Variants in PCDHA8 observed in about 807,000 individuals in gnomAD.
PCDHA8 encodes protocadherin alpha-8.
In PCDHA8, 53 loss-of-function variants were observed where a neutral mutation model predicts 61.8. That is an observed-to-expected ratio of 0.86 (90% confidence interval 0.69 to 1.08). The LOEUF (loss-of-function observed/expected upper bound fraction) is 1.08, where lower values mean the gene tolerates loss of function less well. PCDHA8 is among the 50% of genes least tolerant of loss of function. PCDHA8 has a pLI of 0.00. For missense variants in PCDHA8, 1,293 were observed against 1,245.0 expected, an observed-to-expected ratio of 1.04 and a Z score of -0.58; for synonymous variants, 618 against 556.6, an observed-to-expected ratio of 1.11 and a Z score of -1.55.
chr5:140,946,629 T>TATATATATATATATATATATAC (rs1367833800), intron 1 of PCDHA8, among the ~76,000 whole-genome samples: 1 of 123,274 alleles, frequency 8.1e-6, no homozygotes, highest in African/African-American at 3.0e-5. Context: ...TATATATATA[T>TATATATATATATATATATATAC]ATACAATGGA....
chr5:140,870,731 C>T (rs782095287), intron 1 of PCDHA8: 3 of 1,613,444 alleles, frequency 1.9e-6, no homozygotes, highest in Non-Finnish European at 2.5e-6. Context: ...GGCGTGCCGC[C>T]TCTGAGCAGC....
Position 141,010,304 on chromosome 5 carries a change from A to C in PCDHA8, c.*367A>C. 1.3e-6 allele frequency: 2 copies of C among 1,548,750 alleles called. No homozygotes were observed. Among genetic ancestry groups the C allele is most frequent in the Non-Finnish European group, 8.7e-7 (1 of 1,146,136 alleles). On this transcript the variant is annotated 3_prime_UTR_variant, in exon 4 of 4. Coordinates refer to ENST00000531613, the MANE Select transcript of PCDHA8 (RefSeq NM_018911.3). ...ATGACACTTGCAGGGCAGGCTGAAA[A>C]GTTTTGAGATTGAGCAGCTTGGGAG...
chr5:140,852,931 T>G (rs1554146230), intron 1 of PCDHA8: 1 of 623,668 alleles, frequency 1.6e-6, no homozygotes, highest in Non-Finnish European at 2.1e-6. Flanking sequence ...CAGGCTGGAG[T>G]GCAGTGGTGC....
intron 1 of PCDHA8, chr5:140,857,903 A>C (rs1554150826): frequency 6.3e-7 from 1 of 1,597,806 alleles, no homozygotes; most frequent in East Asian, 2.2e-5. Context: ...TGGTGCACGC[A>C]TCCCGTTTCG....
At chr5:140,871,911 A>G (rs2053380850) in intron 1 of PCDHA8, among the ~76,000 whole-genome samples, 1 of 152,196 alleles carries the variant, frequency 6.6e-6, no homozygotes, top group Non-Finnish European at 1.5e-5. Flanking sequence ...TTTTGCCTTG[A>G]TATTTCCACA....
chr5:140,948,497 C>G (rs1181465701), intron 1 of PCDHA8, among the ~76,000 whole-genome samples: 2 of 151,510 alleles, frequency 1.3e-5, no homozygotes, highest in Non-Finnish European at 3.0e-5. Context: ...CTTTCATAGA[C>G]TTTCTATTAA....
intron 1 of PCDHA8, chr5:140,877,758 G>A (rs782480713): frequency 1.2e-6 from 2 of 1,614,190 alleles, no homozygotes; most frequent in Non-Finnish European, 1.7e-6. Flanking sequence ...GCTCTGCAGA[G>A]AGCCCGCCCA....
At position 141,010,264 on chromosome 5, in the gene PCDHA8, G is replaced by A. The variant is rs1265692233; in HGVS notation, c.*327G>A. On this transcript the variant is annotated 3_prime_UTR_variant, in exon 4 of 4. Transcript: ENST00000531613. ...GGTTGGACTCTCTGCCCTGTGCTCC[G>A]GGGATCCTGTCTTGATGACACTTGC... The A allele has an allele frequency of 1.4e-5, 22 of 1,551,586 alleles. No individual in the cohort carries two copies. The highest frequency in any genetic ancestry group is 1.1e-4 in the South Asian group (9 of 84,060).
chr5:140,943,998 G>C (rs2093593066), intron 1 of PCDHA8, among the ~76,000 whole-genome samples: 1 of 152,178 alleles, frequency 6.6e-6, no homozygotes, highest in Non-Finnish European at 1.5e-5. Context: ...CAGAACTACT[G>C]AGTACCCCCC....
At chr5:140,934,879 T>C (rs1202301097) in intron 1 of PCDHA8, among the ~76,000 whole-genome samples, 1 of 152,206 alleles carries the variant, frequency 6.6e-6, no homozygotes, top group African/African-American at 2.4e-5. Flanking sequence ...TGTTTGTGTA[T>C]CTTGTTTTAA....
At chr5:140,866,405 A>AT (rs2049338047) in intron 1 of PCDHA8, 1 of 152,116 alleles carries the variant, frequency 6.6e-6, no homozygotes, top group Non-Finnish European at 1.5e-5. Context: ...TCCCATGAAA[A>AT]TCTTCAAATG....
At chr5:140,890,875 T>G (rs189226344) in intron 1 of PCDHA8, among the ~76,000 whole-genome samples, 106 of 152,318 alleles carry the variant, frequency 7.0e-4, no homozygotes, top group Non-Finnish European at 1.3e-3. Flanking sequence ...CCCTCTGACC[T>G]TTCATCAGGG....
chr5:140,960,331 A>G (rs1157705398), intron 1 of PCDHA8, among the ~76,000 whole-genome samples: 1 of 152,230 alleles, frequency 6.6e-6, no homozygotes, highest in African/African-American at 2.4e-5. Flanking sequence ...TGTGAGAAGT[A>G]CATGAGGTGA....
chr5:140,936,545 G>A (rs1456098221), intron 1 of PCDHA8, among the ~76,000 whole-genome samples: 1 of 152,202 alleles, frequency 6.6e-6, no homozygotes, highest in African/African-American at 2.4e-5. Context: ...ATAGTGCAAT[G>A]TAGAAGTCAA....
At chr5:140,992,261 G>A (rs1056414788) in intron 3 of PCDHA8, among the ~76,000 whole-genome samples, 1 of 152,172 alleles carries the variant, frequency 6.6e-6, no homozygotes, top group Non-Finnish European at 1.5e-5. Context: ...AAAGATGAAA[G>A]TTCTTTTCGT....
chr5:140,917,042 G>A (rs73793522), intron 1 of PCDHA8, among the ~76,000 whole-genome samples: 8,683 of 152,228 alleles, frequency 0.057, 736 homozygotes, highest in African/African-American at 0.19. Flanking sequence ...GTCCAGCACA[G>A]TGTTGTTCCC....
chr5:140,973,126 T>C (rs1554234908), intron 1 of PCDHA8, among the ~76,000 whole-genome samples: 1 of 152,144 alleles, frequency 6.6e-6, no homozygotes, highest in Non-Finnish European at 1.5e-5. Flanking sequence ...ATGAATTAAG[T>C]TTGCATTCAC....
intron 1 of PCDHA8, chr5:140,882,698 G>C: frequency 1.2e-6 from 2 of 1,614,200 alleles, no homozygotes; most frequent in Non-Finnish European, 1.7e-6. Flanking sequence ...AATCATTGCA[G>C]AATCTAGACC....
intron 1 of PCDHA8, among the ~76,000 whole-genome samples, chr5:140,941,270 T>C (rs1437273239): frequency 1.2e-4 from 17 of 136,774 alleles, no homozygotes; most frequent in Admixed American, 2.3e-4. Flanking sequence ...TCTTTCTTTC[T>C]TTCCTTCCTT....
Sources: gnomAD v4.1 joint callset for allele counts (sites outside exome capture counted in the v4.1 genomes callset) on GRCh38, gnomAD v4.1.1 for gene constraint, MANE v1.5 for transcripts, NCBI Gene and HGNC (gene_info 2026-07-23, HGNC 2026-07-21) for gene names.